Variants in GABRG2 observed in about 807,000 individuals in gnomAD.
GABRG2 encodes the protein gamma-aminobutyric acid type A receptor subunit gamma2.
A neutral mutation model predicts 56.4 loss-of-function variants in GABRG2; 16 were observed. The observed-to-expected ratio is 0.28, with a 90% CI of 0.19 to 0.43. The LOEUF (loss-of-function observed/expected upper bound fraction) is 0.43. GABRG2 is among the 20% of genes least tolerant of loss of function. The pLI is 1.00. For synonymous variants in GABRG2, 208 were observed against 205.5 expected (o/e 1.01, Z -0.10); for missense variants, 327 against 582.7 (o/e 0.56, Z 4.52).
At chr5:162,129,564 T>C (rs1013888268) in intron 6 of GABRG2, among the ~76,000 whole-genome samples, 1 of 151,990 alleles carries the variant, frequency 6.6e-6, no homozygotes. Context: ...ATAGGAATCA[T>C]TTATTTAATC....
At chr5:162,071,226 T>A (rs1046299845) in intron 1 of GABRG2, among the ~76,000 whole-genome samples, 1 of 151,394 alleles carries the variant, frequency 6.6e-6, no homozygotes, top group Non-Finnish European at 1.5e-5. Context: ...TCTTATAACT[T>A]TATAAACTTT....
intron 6 of GABRG2, among the ~76,000 whole-genome samples, chr5:162,141,246 C>A (rs1488399366): frequency 1.3e-5 from 2 of 152,136 alleles, no homozygotes; most frequent in East Asian, 3.9e-4. Flanking sequence ...ACCGTGTTAG[C>A]CAGGATGGTC....
At position 162,091,940 on chromosome 5, in the gene GABRG2, A is replaced by G. The variant is rs143868534; in HGVS notation, c.108-1888A>G. The stretch of plus-strand genomic sequence containing the variant: ...GAAAGAGAGAGAGAGAGATTTTTTG[A>G]AAAGGCACTTTTGCAAGAACAATTT... On this transcript the variant is annotated intron_variant, in intron 1 of 9. Coordinates refer to ENST00000639213, the MANE Select transcript of GABRG2 (RefSeq NM_198904.4). Among the ~76,000 whole-genome samples, 1,484 of 152,212 alleles carry G rather than the reference A, an allele frequency of 9.7e-3. 24 individuals are homozygous for G. Among genetic ancestry groups the G allele is most frequent in the African/African-American group, 0.029 (1,211 of 41,540 alleles).
chr5:162,109,386 TATAATATA>T (rs1762072525), intron 6 of GABRG2, among the ~76,000 whole-genome samples: 1 of 55,450 alleles, frequency 1.8e-5, no homozygotes, highest in African/African-American at 1.0e-4. Flanking sequence ...GAACTTAAAG[TATAATATA>T]TATATATATA....
At chr5:162,124,958 A>ATGTGTGTGTGTGTG (rs55993809) in intron 6 of GABRG2, among the ~76,000 whole-genome samples, 36 of 143,980 alleles carry the variant, frequency 2.5e-4, no homozygotes, top group African/African-American at 8.1e-4. Flanking sequence ...GTATAAAGAG[A>ATGTGTGTGTGTGTG]TGTGTGTGTG....
chr5:162,074,131 T>C (rs28672781), intron 1 of GABRG2, among the ~76,000 whole-genome samples: 5,271 of 151,914 alleles, frequency 0.035, 319 homozygotes, highest in African/African-American at 0.12. Context: ...AAAAAGGAAA[T>C]AAAAAGCTCC....
intron 6 of GABRG2, among the ~76,000 whole-genome samples, chr5:162,127,159 A>C (rs1285990346): frequency 1.3e-5 from 2 of 151,962 alleles, no homozygotes; most frequent in Non-Finnish European, 2.9e-5. Context: ...CCGGAAGCTC[A>C]TAACTCTTGT....
rs904388241 is a variant in GABRG2, at chr5:162,153,301, G to A, written c.1361G>A (p.Arg454Gln). ...ATTGCCAAAATGGACTCCTATGCTCGGATCTTCTTCCCCACTGCCTTCTGC... is the reference window on the plus strand; with the variant it reads ...ATTGCCAAAATGGACTCCTATGCTCAGATCTTCTTCCCCACTGCCTTCTGC... ...IRIAKMDSYA[R>Q]IFFPTAFCLF... is the part of the protein sequence containing the mutation. The change falls in exon 10 of 10, where the codon CGG becomes CAG. Residue 454 changes from arginine (R) to glutamine (Q), a missense_variant. By Grantham distance (43) the Arg-to-Gln change is conservative. Around this residue, in one of 4 missense-constraint regions of GABRG2, gnomAD observed 108 missense variants for 144.2 expected, o/e 0.75. Coordinates refer to ENST00000639213, the MANE Select transcript of GABRG2 (RefSeq NM_198904.4). 1.9e-6 allele frequency: 3 copies of A among 1,613,950 alleles called. No homozygotes were observed. Among genetic ancestry groups the A allele is most frequent in the Non-Finnish European group, 1.7e-6 (2 of 1,179,944 alleles).
At chr5:162,119,981 G>A (rs1236250865) in intron 6 of GABRG2, among the ~76,000 whole-genome samples, 2 of 151,980 alleles carry the variant, frequency 1.3e-5, no homozygotes. Flanking sequence ...TGGAATGATC[G>A]CCCCCATGCT....
intron 9 of GABRG2, chr5:162,152,275 G>T (rs1440381925): frequency 1.5e-5 from 3 of 203,142 alleles, no homozygotes; most frequent in Non-Finnish European, 3.1e-5. Context: ...TGAGCCTTTT[G>T]GCTCTACTAT....
chr5:162,077,191 CT>C (rs1158062374), intron 1 of GABRG2, among the ~76,000 whole-genome samples: 8 of 151,938 alleles, frequency 5.3e-5, no homozygotes, highest in African/African-American at 1.4e-4. Context: ...CTGCTTGCCC[CT>C]GGTAGCCTCT....
intron 7 of GABRG2, among the ~76,000 whole-genome samples, chr5:162,143,749 C>T (rs1764752908): frequency 6.6e-6 from 1 of 152,160 alleles, no homozygotes; most frequent in African/African-American, 2.4e-5. Context: ...TGTATAATTT[C>T]CTGTACCTAA....
At chr5:162,146,546 A>G (rs1228410084) in intron 7 of GABRG2, among the ~76,000 whole-genome samples, 2 of 152,090 alleles carry the variant, frequency 1.3e-5, no homozygotes, top group African/African-American at 2.4e-5. Context: ...ATTCTCAAAC[A>G]TAGATTGAGC....
intron 1 of GABRG2, among the ~76,000 whole-genome samples, chr5:162,082,650 G>A (rs1759757515): frequency 6.6e-6 from 1 of 151,708 alleles, no homozygotes; most frequent in African/African-American, 2.4e-5. Flanking sequence ...CATAAGAGAT[G>A]TCTGTGAATA....
chr5:162,131,091 C>T (rs914285180), intron 6 of GABRG2, among the ~76,000 whole-genome samples: 1 of 151,870 alleles, frequency 6.6e-6, no homozygotes, highest in Non-Finnish European at 1.5e-5. Context: ...TCTTTTCTTT[C>T]CAATACTTCT....
At chr5:162,081,882 A>G (rs920728397) in intron 1 of GABRG2, among the ~76,000 whole-genome samples, 1 of 151,994 alleles carries the variant, frequency 6.6e-6, no homozygotes, top group Non-Finnish European at 1.5e-5. Flanking sequence ...CATACACCTA[A>G]CATATTACAC....
Position 162,143,745 on chromosome 5 carries a change from A to T in GABRG2, c.922+1429A>T, listed in dbSNP as rs116671225. On this transcript the variant is annotated intron_variant, in intron 7 of 9. Coordinates refer to ENST00000639213, the MANE Select transcript of GABRG2 (RefSeq NM_198904.4). Reference sequence around the variant, plus strand: ...TTTCCTCATATATAAAACATGTATAATTTCCTGTACCTAACTTATTGGGTT... The same window carrying T: ...TTTCCTCATATATAAAACATGTATATTTTCCTGTACCTAACTTATTGGGTT... 5.2e-3 allele frequency among the ~76,000 whole-genome samples: 789 copies of T among 152,262 alleles called. 4 individuals are homozygous for T. The highest frequency in any genetic ancestry group is 0.017 in the African/African-American group (713 of 41,556).
chr5:162,110,160 T>A (rs999936550), intron 6 of GABRG2, among the ~76,000 whole-genome samples: 2 of 152,142 alleles, frequency 1.3e-5, no homozygotes, highest in African/African-American at 2.4e-5. Flanking sequence ...AAATGAAAAA[T>A]CTGTGTACCA....
At position 162,103,912 on chromosome 5, in the gene GABRG2, G is replaced by A. The variant is rs768224402; in HGVS notation, c.655G>A (p.Val219Ile). The A allele has an allele frequency of 3.7e-6, 6 of 1,613,966 alleles. No homozygotes were observed. Among genetic ancestry groups the A allele is most frequent in the Non-Finnish European group, 3.4e-6 (4 of 1,179,930 alleles). The change falls in exon 6 of 10, where the codon GTT becomes ATT. Residue 219 changes from valine (V) to isoleucine (I), a missense_variant. This residue lies in a region of GABRG2 where 104 missense variants were observed against 209.3 expected (regional missense o/e 0.50). Transcript: ENST00000639213. The part of the protein sequence containing the change: ...SSYGYPREEI[V>I]YQWKRSSVEV... Reference sequence around the variant, plus strand: ...AGATGGCTATCCACGTGAAGAAATTGTTTATCAATGGAAGCGAAGTTCTGT... The same window carrying A: ...AGATGGCTATCCACGTGAAGAAATTATTTATCAATGGAAGCGAAGTTCTGT...
Sources: gnomAD v4.1 joint callset for allele counts (sites outside exome capture counted in the v4.1 genomes callset) on GRCh38, gnomAD v4.1.1 for gene constraint, gnomAD v4.1.1 regional missense constraint, MANE v1.5 for transcripts, NCBI Gene and HGNC (gene_info 2026-07-23, HGNC 2026-07-21) for gene names.